SLC39A11: variants seen among roughly 807,000 people sequenced by gnomAD.
SLC39A11 encodes zinc transporter ZIP11.
A neutral mutation model predicts 36.1 loss-of-function variants in SLC39A11; 33 were observed. The observed-to-expected ratio is 0.91, with a 90% CI of 0.69 to 1.22. The LOEUF is 1.22. Ranked by LOEUF, SLC39A11 falls within the 50% of genes most tolerant of loss-of-function variation. SLC39A11 has a pLI of 0.00. For synonymous variants in SLC39A11, 166 were observed against 170.3 expected (o/e 0.97, Z 0.20); for missense variants, 432 against 430.3 (o/e 1.00, Z -0.03).
intron 5 of SLC39A11, among the ~76,000 whole-genome samples, chr17:72,938,490 T>C (rs1342944165): frequency 6.6e-6 from 1 of 152,098 alleles, no homozygotes; most frequent in African/African-American, 2.4e-5. Flanking sequence ...AGGCAAAAGG[T>C]TGACATGGGA....
At chr17:72,896,143 C>T (rs952877589) in intron 5 of SLC39A11, among the ~76,000 whole-genome samples, 1 of 144,672 alleles carries the variant, frequency 6.9e-6, no homozygotes, top group Non-Finnish European at 1.5e-5. Context: ...AAATGTATAA[C>T]GTAATCTAAA....
intron 4 of SLC39A11, among the ~76,000 whole-genome samples, chr17:72,992,123 A>C (rs950088411): frequency 2.0e-5 from 3 of 152,194 alleles, no homozygotes; most frequent in African/African-American, 7.2e-5. Flanking sequence ...AGGCTGAGGC[A>C]GATGGATCAC....
intron 7 of SLC39A11, among the ~76,000 whole-genome samples, chr17:72,722,175 C>G (rs201445926): frequency 6.6e-6 from 1 of 152,044 alleles, no homozygotes; most frequent in East Asian, 1.9e-4. Flanking sequence ...CTTAGGAATT[C>G]AAGAATCGAG....
At chr17:72,875,692 T>C (rs935689738) in intron 5 of SLC39A11, among the ~76,000 whole-genome samples, 15 of 152,046 alleles carry the variant, frequency 9.9e-5, no homozygotes, top group African/African-American at 3.6e-4. Flanking sequence ...TAATTCGGAG[T>C]CATTGTTTCT....
At chr17:72,732,989 G>A (rs28560029) in intron 7 of SLC39A11, among the ~76,000 whole-genome samples, 11 of 152,238 alleles carry the variant, frequency 7.2e-5, no homozygotes, top group South Asian at 2.1e-4. Flanking sequence ...AGTTGCACAC[G>A]CAAGTTCCTG....
intron 3 of SLC39A11, among the ~76,000 whole-genome samples, chr17:73,060,428 G>GC (rs1159495397): frequency 6.6e-6 from 1 of 151,874 alleles, no homozygotes; most frequent in African/African-American, 2.4e-5. Flanking sequence ...CAAATATGTT[G>GC]CTTTTTATAT....
chr17:72,770,105 G>T (rs1012903750), intron 6 of SLC39A11, among the ~76,000 whole-genome samples: 1 of 152,174 alleles, frequency 6.6e-6, no homozygotes, highest in Non-Finnish European at 1.5e-5. Context: ...GCTGTGTCAC[G>T]GGCTCGTCCT....
At chr17:72,731,733 G>GTTTA (rs1415198337) in intron 7 of SLC39A11, among the ~76,000 whole-genome samples, 56 of 151,790 alleles carry the variant, frequency 3.7e-4, no homozygotes, top group African/African-American at 1.2e-3. Context: ...TTGTTTGTTT[G>GTTTA]TTTGTTTGTT....
At chr17:72,770,656 T>C (rs1017824502) in intron 6 of SLC39A11, among the ~76,000 whole-genome samples, 1 of 152,206 alleles carries the variant, frequency 6.6e-6, no homozygotes, top group Non-Finnish European at 1.5e-5. Flanking sequence ...TAATCCCTTC[T>C]TGGAATCTGC....
intron 6 of SLC39A11, among the ~76,000 whole-genome samples, chr17:72,807,170 A>T (rs1027890741): frequency 1.5e-4 from 23 of 152,110 alleles, no homozygotes; most frequent in Admixed American, 2.6e-4. Context: ...GAGGATATTC[A>T]TCATTTTCAT....
At chr17:73,009,081 CA>C (rs1379568453) in intron 4 of SLC39A11, among the ~76,000 whole-genome samples, 6 of 121,378 alleles carry the variant, frequency 4.9e-5, no homozygotes, top group East Asian at 4.4e-4. Flanking sequence ...AAAAAAAAGG[CA>C]GGGGGGCGGG....
chr17:72,657,348 A>G (rs2070178555), intron 7 of SLC39A11, among the ~76,000 whole-genome samples: 3 of 152,234 alleles, frequency 2.0e-5, no homozygotes, highest in Non-Finnish European at 4.4e-5. Context: ...CAACAGAGTG[A>G]GATTCTGCCT....
intron 7 of SLC39A11, among the ~76,000 whole-genome samples, chr17:72,723,707 C>T (rs1041670018): frequency 2.0e-5 from 3 of 152,126 alleles, no homozygotes; most frequent in Non-Finnish European, 4.4e-5. Flanking sequence ...TAAAAGTCTG[C>T]CAGACACAGA....
intron 5 of SLC39A11, among the ~76,000 whole-genome samples, chr17:72,853,032 T>G (rs2079443423): frequency 6.6e-6 from 1 of 152,056 alleles, no homozygotes; most frequent in Admixed American, 6.5e-5. Flanking sequence ...GATTGATTGA[T>G]TAAGCAGGGT....
At chr17:72,922,579 A>C (rs2083737826) in intron 5 of SLC39A11, among the ~76,000 whole-genome samples, 1 of 152,186 alleles carries the variant, frequency 6.6e-6, no homozygotes, top group Non-Finnish European at 1.5e-5. Context: ...GTCTTCACAA[A>C]CAGGATATGC....
intron 6 of SLC39A11, among the ~76,000 whole-genome samples, chr17:72,752,807 T>C (rs1448665106): frequency 6.6e-6 from 1 of 152,196 alleles, no homozygotes; most frequent in Non-Finnish European, 1.5e-5. Flanking sequence ...CTTTTCTCTC[T>C]GGAAGCTCTC....
At chr17:72,975,137 G>T (rs2087751410) in intron 4 of SLC39A11, among the ~76,000 whole-genome samples, 1 of 152,166 alleles carries the variant, frequency 6.6e-6, no homozygotes, top group Admixed American at 6.5e-5. Context: ...TCCAGGGTTA[G>T]TGCCCTTATA....
intron 4 of SLC39A11, among the ~76,000 whole-genome samples, chr17:73,014,421 C>G (rs1300712121): frequency 2.0e-5 from 3 of 152,172 alleles, no homozygotes; most frequent in African/African-American, 4.8e-5. Flanking sequence ...CTTTGAGAGG[C>G]CCAGGTGGAA....
intron 7 of SLC39A11, among the ~76,000 whole-genome samples, chr17:72,713,249 A>G (rs2073191436): frequency 6.6e-6 from 1 of 152,192 alleles, no homozygotes; most frequent in Non-Finnish European, 1.5e-5. Flanking sequence ...CCACAGTCCT[A>G]AAGCCTGGGT....
Sources: gnomAD v4.1 joint callset for allele counts (sites outside exome capture counted in the v4.1 genomes callset) on GRCh38, gnomAD v4.1.1 for gene constraint, MANE v1.5 for transcripts, NCBI Gene and HGNC (gene_info 2026-07-23, HGNC 2026-07-21) for gene names.